The following DAB1 variants were observed in gnomAD, a reference collection of about 807,000 sequenced individuals.
The protein encoded by DAB1 is DAB adaptor protein 1.
Under a neutral mutation model 64.6 loss-of-function variants are expected in DAB1, and 15 were observed. That is an observed-to-expected ratio of 0.23 (90% confidence interval 0.16 to 0.36). The LOEUF is 0.36. Among genes scored for constraint, DAB1 ranks in the 10% least tolerant of loss-of-function variants. The pLI is 1.00. For missense variants in DAB1, 596 were observed against 706.7 expected (o/e 0.84, Z 1.78); for synonymous variants, 235 against 251.9 (o/e 0.93, Z 0.64).
At chr1:58,208,043 G>A (rs1334670701) in intron 4 of DAB1, among the ~76,000 whole-genome samples, 1 of 151,936 alleles carries the variant, frequency 6.6e-6, no homozygotes, top group Non-Finnish European at 1.5e-5. Context: ...GAGTGAAAAT[G>A]AGGGGAAAGT....
chr1:57,845,333 A>G (rs1245060018), intron 1 of DAB1, among the ~76,000 whole-genome samples: 1 of 152,146 alleles, frequency 6.6e-6, no homozygotes, highest in African/African-American at 2.4e-5. Flanking sequence ...GATAGGATAG[A>G]GAGACAGGAG....
intron 1 of DAB1, among the ~76,000 whole-genome samples, chr1:57,408,757 AC>A (rs1410091381): frequency 6.6e-6 from 1 of 152,082 alleles, no homozygotes; most frequent in East Asian, 1.9e-4. Context: ...ATATTAACAA[AC>A]ATTTCTGTTG....
intron 4 of DAB1, among the ~76,000 whole-genome samples, chr1:58,313,858 A>T (rs12078090): frequency 0.073 from 3,848 of 52,694 alleles, 99 homozygotes; most frequent in African/African-American, 0.21. Context: ...TGTGTGTGTG[A>T]GAGAGAGAGA....
chr1:58,100,902 G>A (rs116503013), intron 5 of DAB1, among the ~76,000 whole-genome samples: 1,767 of 152,258 alleles, frequency 0.012, 27 homozygotes, highest in African/African-American at 0.041. Context: ...GTCGGGTAAG[G>A]TCCAAAACAT....
chr1:57,231,593 C>T (rs1018405545), intron 2 of DAB1, among the ~76,000 whole-genome samples: 2 of 152,164 alleles, frequency 1.3e-5, no homozygotes, highest in African/African-American at 4.8e-5. Context: ...ACATATATCA[C>T]CTGATCCAGT....
intron 1 of DAB1, among the ~76,000 whole-genome samples, chr1:57,389,310 C>A (rs917520078): frequency 1.3e-5 from 2 of 152,306 alleles, no homozygotes; most frequent in South Asian, 2.1e-4. Context: ...GTTTCAATGG[C>A]TCCCCATTAC....
chr1:57,052,085 C>G (rs902535570), intron 9 of DAB1, among the ~76,000 whole-genome samples: 1 of 121,848 alleles, frequency 8.2e-6, no homozygotes, highest in African/African-American at 3.1e-5. Context: ...CTTTAAACAC[C>G]AGTTTCTTTA....
intron 1 of DAB1, among the ~76,000 whole-genome samples, chr1:57,308,680 TA>T (rs1327782660): frequency 1.3e-5 from 2 of 152,184 alleles, no homozygotes; most frequent in African/African-American, 2.4e-5. Flanking sequence ...CTTCTAATAA[TA>T]AGAAGACTGA....
At chr1:57,605,420 G>C (rs986101663) in intron 7 of DAB1, among the ~76,000 whole-genome samples, 1 of 152,156 alleles carries the variant, frequency 6.6e-6, no homozygotes, top group Non-Finnish European at 1.5e-5. Context: ...AAACTGTCAA[G>C]GGTCTGGCCC....
intron 1 of DAB1, among the ~76,000 whole-genome samples, chr1:58,544,072 G>C (rs1646664239): frequency 6.6e-6 from 1 of 152,178 alleles, no homozygotes; most frequent in East Asian, 1.9e-4. Context: ...ACCATCTAAA[G>C]GAGGTGCAAA....
chr1:57,546,939 C>A (rs1316622140), intron 7 of DAB1, among the ~76,000 whole-genome samples: 2 of 151,982 alleles, frequency 1.3e-5, no homozygotes, highest in Non-Finnish European at 2.9e-5. Context: ...AAATTTTCTC[C>A]TTTATGCTTA....
intron 4 of DAB1, among the ~76,000 whole-genome samples, chr1:57,084,387 C>T (rs1245587024): frequency 2.0e-5 from 3 of 152,132 alleles, no homozygotes; most frequent in Non-Finnish European, 2.9e-5. Context: ...AAGAACAATC[C>T]CTGCAGACAC....
intron 4 of DAB1, among the ~76,000 whole-genome samples, chr1:57,073,934 C>T (rs142848076): frequency 6.0e-4 from 92 of 152,286 alleles, no homozygotes; most frequent in African/African-American, 2.0e-3. Flanking sequence ...TGGAGTGCAA[C>T]GGTGCAATCT....
intron 4 of DAB1, among the ~76,000 whole-genome samples, chr1:58,239,953 C>T (rs2100375040): frequency 6.6e-6 from 1 of 152,288 alleles, no homozygotes; most frequent in South Asian, 2.1e-4. Context: ...ATCATTAAAA[C>T]AAGAAGAGAA....
In DAB1 at chr1:57,287,351, A is replaced by T. The variant is rs866515911; in HGVS notation, c.67+3613T>A. ...TAGCCTCCCAAAGAGCTGAGACTAT[A>T]GGCATGAGCCACCATGCCCAGCCAG... On this transcript the variant is annotated intron_variant, in intron 2 of 14. Transcript: ENST00000371236. Among the ~76,000 whole-genome samples, 4 of 152,354 alleles carry T rather than the reference A, an allele frequency of 2.6e-5. No homozygotes were observed. The South Asian group carries it at 8.3e-4, about 32-fold the overall frequency.
chr1:58,176,533 A>G (rs1187696676), intron 4 of DAB1, among the ~76,000 whole-genome samples: 2 of 152,180 alleles, frequency 1.3e-5, no homozygotes, highest in African/African-American at 4.8e-5. Flanking sequence ...GGGAAAACCA[A>G]TATCAAGGTG....
intron 6 of DAB1, among the ~76,000 whole-genome samples, chr1:57,651,014 G>T (rs1254096670): frequency 1.3e-5 from 2 of 152,040 alleles, no homozygotes; most frequent in African/African-American, 4.8e-5. Context: ...TTAATGAAAT[G>T]GACCTGACAA....
At chr1:57,074,482 C>T (rs1651800449) in intron 4 of DAB1, among the ~76,000 whole-genome samples, 1 of 152,192 alleles carries the variant, frequency 6.6e-6, no homozygotes, top group South Asian at 2.1e-4. Flanking sequence ...CTCTGGATTT[C>T]ACGATGGTCA....
intron 5 of DAB1, among the ~76,000 whole-genome samples, chr1:57,902,344 T>A (rs1644488161): frequency 6.6e-6 from 1 of 152,164 alleles, no homozygotes; most frequent in Non-Finnish European, 1.5e-5. Flanking sequence ...CTTGGCAATA[T>A]CGTTATCTTG....
Sources: allele counts gnomAD v4.1 joint callset (sites outside exome capture counted in the v4.1 genomes callset), GRCh38; gene constraint gnomAD v4.1.1; transcripts MANE v1.5; gene names NCBI Gene and HGNC (gene_info 2026-07-23, HGNC 2026-07-21).